SLC35F2: variants seen among roughly 807,000 people sequenced by gnomAD.
SLC35F2 encodes the protein queuine/queuosine transporter SLC35F2.
In SLC35F2, 25 loss-of-function variants were observed where a neutral mutation model predicts 38.1. That is an observed-to-expected ratio of 0.66 (90% CI 0.48 to 0.92). The LOEUF is 0.92. Ranked by LOEUF, SLC35F2 falls within the 40% of genes least tolerant of loss-of-function variation. The pLI is 0.00. For missense variants in SLC35F2, 409 were observed against 452.9 expected, an observed-to-expected ratio of 0.90 and a Z score of 0.88; for synonymous variants, 173 against 181.7, an observed-to-expected ratio of 0.95 and a Z score of 0.38.
intron 7 of SLC35F2, among the ~76,000 whole-genome samples, chr11:107,798,623 A>T (rs2134761197): frequency 6.6e-6 from 1 of 152,360 alleles, no homozygotes; most frequent in Admixed American, 6.5e-5. Flanking sequence ...TTCACTCAAG[A>T]TCAATTTCAG....
chr11:107,804,934 A>G (rs1007033858), intron 5 of SLC35F2, 164 bp from the exon 6 acceptor site: 1 of 720,510 alleles, frequency 1.4e-6, no homozygotes, highest in African/African-American at 1.9e-5. Context: ...ACAAAGAATA[A>G]AACCAAAGGA....
intron 1 of SLC35F2, among the ~76,000 whole-genome samples, chr11:107,820,148 C>A (rs1029529923): frequency 6.6e-6 from 1 of 151,076 alleles, no homozygotes. Flanking sequence ...CCCAGCTTCT[C>A]GGAGGCTGAG....
chr11:107,837,379 T>A lies in SLC35F2; in HGVS notation c.110+21279A>T, dbSNP rs11212402. 7.2e-4 allele frequency among the ~76,000 whole-genome samples: 110 copies of A among 152,234 alleles called. 3 individuals are homozygous for A. In the East Asian group the frequency reaches 0.016, roughly 22 times the overall value. ...GATTCCAAAGCCTGTGTTCTTTACA[T>A]TCTGCCATGCTAAAAAACTGAAATA... On this transcript the variant is annotated intron_variant, in intron 1 of 7. Coordinates refer to ENST00000525815, the MANE Select transcript of SLC35F2 (RefSeq NM_017515.5).
At chr11:107,810,443 T>G (rs2134783879) in intron 3 of SLC35F2, 2 of 984,710 alleles carry the variant, frequency 2.0e-6, no homozygotes, top group Non-Finnish European at 2.4e-6. Context: ...GTAATTAAAA[T>G]GTAGGTGAGA....
At chr11:107,849,335 A>C (rs1860140271) in intron 1 of SLC35F2, among the ~76,000 whole-genome samples, 1 of 152,100 alleles carries the variant, frequency 6.6e-6, no homozygotes, top group African/African-American at 2.4e-5. Flanking sequence ...GCTTGAACTG[A>C]ATTAGTCACA....
rs1555082686 is a variant in SLC35F2 at position 107,804,783 on chromosome 11, C to T, written c.732-13G>A. 1 of 1,599,160 alleles carries T rather than the reference C, an allele frequency of 6.3e-7. No individual in the cohort carries two copies. The highest frequency in any genetic ancestry group is 1.7e-5 in the Admixed American group (1 of 57,356). ...TTCCACAATCAATCTAAGATTAAAA[C>T]AAGAGGTCACAGAGAGGTCCACATA... On this transcript the variant is annotated splice_polypyrimidine_tract_variant and intron_variant, in intron 5 of 7. Coordinates refer to ENST00000525815, the MANE Select transcript of SLC35F2 (RefSeq NM_017515.5).
chr11:107,853,161 C>T (rs1860215730), intron 1 of SLC35F2, among the ~76,000 whole-genome samples: 1 of 152,166 alleles, frequency 6.6e-6, no homozygotes, highest in Non-Finnish European at 1.5e-5. Context: ...ACCTAGGCCA[C>T]CTGGAAAACT....
At position 107,806,722 on chromosome 11, in the gene SLC35F2, T is replaced by C. The variant is rs374929653; in HGVS notation, c.569A>G (p.Asn190Ser). 24 of 1,613,912 alleles carry C rather than the reference T, an allele frequency of 1.5e-5. No homozygotes were observed. The highest frequency in any genetic ancestry group is 1.9e-5 in the Non-Finnish European group (23 of 1,179,916). ...AACATGTGACACCGTCTCACCTGAA[T>C]TGTCTTCCCTCCCTGCTAGTATGTC... ...GADILAGRED[N>S]SGSDVLIGDI... Residue 190 changes from asparagine to serine, a missense_variant, in exon 4 of 8, where the codon AAT becomes AGT. Physicochemically the swap from Asn to Ser is conservative, Grantham distance 46. Coordinates refer to ENST00000525815, the MANE Select transcript of SLC35F2 (RefSeq NM_017515.5).
intron 1 of SLC35F2, among the ~76,000 whole-genome samples, chr11:107,845,729 G>A (rs1319373348): frequency 6.6e-6 from 1 of 151,980 alleles, no homozygotes; most frequent in African/African-American, 2.4e-5. Flanking sequence ...AAGACAGGCG[G>A]ATCACTTCAG....
Position 107,792,678 on chromosome 11 carries a change from C to A in SLC35F2, c.1062G>T (p.Gly354=). 1 of 1,613,906 alleles carries A rather than the reference C, an allele frequency of 6.2e-7. No individual in the cohort carries two copies. Among genetic ancestry groups the A allele is most frequent in the Non-Finnish European group, 8.5e-7 (1 of 1,179,936 alleles). The change falls in exon 8 of 8, where the codon GGG becomes GGT. Residue 354 remains glycine, a synonymous_variant. Transcript: ENST00000525815. The stretch of plus-strand genomic sequence containing the variant: ...CCAGCTTCAGCCCCAGGTTGTCAAT[C>A]CCAATGCTGGTGACTGGAGGCACGC... ...ESSVPPVTSI[G]IDNLGLKLEE... is the part of the protein sequence containing the mutation.
intron 1 of SLC35F2, among the ~76,000 whole-genome samples, chr11:107,842,296 A>C (rs1274231023): frequency 7.0e-6 from 1 of 143,654 alleles, no homozygotes; most frequent in East Asian, 2.1e-4. Flanking sequence ...TTAAAGCTTG[A>C]CTGGAAGTTG....
intron 1 of SLC35F2, among the ~76,000 whole-genome samples, chr11:107,853,446 C>A (rs1041827497): frequency 6.6e-6 from 1 of 151,970 alleles, no homozygotes; most frequent in African/African-American, 2.4e-5. Context: ...AGGCCGGGCG[C>A]GGTGGCTCAC....
At chr11:107,815,564 AAACAACAAC>A (rs1226725035) in intron 2 of SLC35F2, among the ~76,000 whole-genome samples, 2 of 151,468 alleles carry the variant, frequency 1.3e-5, no homozygotes, top group Non-Finnish European at 2.9e-5. Context: ...TCTCAAAAAC[AAACAACAAC>A]AACAACAACA....
At chr11:107,854,123 G>A (rs769095442) in intron 1 of SLC35F2, among the ~76,000 whole-genome samples, 2 of 152,132 alleles carry the variant, frequency 1.3e-5, no homozygotes, top group African/African-American at 4.8e-5. Flanking sequence ...AATGTAAACT[G>A]TCTGACAGTA....
chr11:107,832,419 C>A, intron 1 of SLC35F2, among the ~76,000 whole-genome samples: 1 of 152,162 alleles, frequency 6.6e-6, no homozygotes, highest in Non-Finnish European at 1.5e-5. Context: ...ATTGACTAAA[C>A]CTTAAAAGAA....
At chr11:107,845,814 G>A (rs995508825) in intron 1 of SLC35F2, among the ~76,000 whole-genome samples, 2 of 151,854 alleles carry the variant, frequency 1.3e-5, no homozygotes, top group Non-Finnish European at 2.9e-5. Flanking sequence ...TTAGCTGGGC[G>A]TGGTGGTGTG....
At chr11:107,821,121 G>A (rs1859664187) in intron 1 of SLC35F2, among the ~76,000 whole-genome samples, 2 of 152,140 alleles carry the variant, frequency 1.3e-5, no homozygotes, top group Non-Finnish European at 2.9e-5. Flanking sequence ...CCCTAACCAA[G>A]TGGCTGATAA....
At position 107,806,785 on chromosome 11, in the gene SLC35F2, G is replaced by A; in HGVS notation, c.506C>T (p.Ala169Val). Residue 169 changes from alanine to valine, a missense_variant, in exon 4 of 8, where the codon GCT becomes GTT. Transcript: ENST00000525815. ...RYRVIHFIAVAVCLLGVGTMV... is the reference protein window; with the variant it reads ...RYRVIHFIAVVVCLLGVGTMV... ...GGTTCCTACACCCAACAGACAGACAGCCACGGCGATGAAGTGGATCACTCT... is the reference window on the plus strand; with the variant it reads ...GGTTCCTACACCCAACAGACAGACAACCACGGCGATGAAGTGGATCACTCT... The A allele has an allele frequency of 1.9e-6, 3 of 1,614,054 alleles. No individual in the cohort carries two copies. Among genetic ancestry groups the A allele is most frequent in the Non-Finnish European group, 2.5e-6 (3 of 1,179,890 alleles).
At chr11:107,858,545 AC>A in intron 1 of SLC35F2, 112 bp downstream of exon 1, 1 of 1,001,376 alleles carries the variant, frequency 1.0e-6, no homozygotes, top group African/African-American at 1.7e-5. Flanking sequence ...TGCGGCCGCC[AC>A]CTCTGCCTCC....
Sources: gnomAD v4.1 joint callset for allele counts (sites outside exome capture counted in the v4.1 genomes callset) on GRCh38, gnomAD v4.1.1 for gene constraint, MANE v1.5 for transcripts, NCBI Gene and HGNC (gene_info 2026-07-23, HGNC 2026-07-21) for gene names.